FRMD5: variants seen among roughly 807,000 people sequenced by gnomAD.
The protein encoded by FRMD5 is FERM domain-containing protein 5.
A neutral mutation model predicts 69.0 loss-of-function variants in FRMD5; 20 were observed. The observed-to-expected ratio is 0.29, with a 90% confidence interval of 0.20 to 0.42. FRMD5 has a LOEUF of 0.42. FRMD5 is among the 10% of genes least tolerant of loss of function. FRMD5 has a pLI of 1.00. For missense variants in FRMD5, 595 were observed against 708.6 expected (o/e 0.84, Z 1.82); for synonymous variants, 271 against 260.1 (o/e 1.04, Z -0.40).
intron 1 of FRMD5, among the ~76,000 whole-genome samples, chr15:43,970,522 T>C (rs938493952): frequency 2.6e-5 from 4 of 152,146 alleles, no homozygotes; most frequent in Non-Finnish European, 5.9e-5. Context: ...CAGGCTGGAG[T>C]GCAGTGGTAT....
intron 8 of FRMD5, among the ~76,000 whole-genome samples, chr15:43,890,957 G>A (rs1186980410): frequency 1.3e-5 from 2 of 152,132 alleles, no homozygotes; most frequent in Admixed American, 6.5e-5. Context: ...GCAGAACGCT[G>A]ACTAGGAAGC....
intron 1 of FRMD5, among the ~76,000 whole-genome samples, chr15:44,089,354 C>A (rs1237874350): frequency 6.6e-6 from 1 of 152,100 alleles, no homozygotes; most frequent in Admixed American, 6.6e-5. Context: ...ACTGACCACT[C>A]CTTGTCAGTA....
At chr15:43,909,732 G>A (rs991826139) in intron 5 of FRMD5, 150 bp downstream of exon 5, 5 of 470,334 alleles carry the variant, frequency 1.1e-5, no homozygotes, top group South Asian at 3.2e-5. Context: ...TGCCCACCTC[G>A]GCCTCCCAAA....
At chr15:44,038,334 C>A (rs1166751536) in intron 1 of FRMD5, among the ~76,000 whole-genome samples, 1 of 151,852 alleles carries the variant, frequency 6.6e-6, no homozygotes, top group Non-Finnish European at 1.5e-5. Flanking sequence ...GTTGCCATTG[C>A]TTTTGGTGTT....
At chr15:44,182,834 C>T (rs553449304) in intron 1 of FRMD5, among the ~76,000 whole-genome samples, 2 of 152,152 alleles carry the variant, frequency 1.3e-5, no homozygotes, top group East Asian at 3.9e-4. Context: ...CTCGCTCTGT[C>T]GCCCAGGCTA....
At chr15:43,906,400 G>A (rs1391221433) in intron 5 of FRMD5, among the ~76,000 whole-genome samples, 1 of 152,180 alleles carries the variant, frequency 6.6e-6, no homozygotes, top group Non-Finnish European at 1.5e-5. Flanking sequence ...GAGGATGTTA[G>A]CAGGGACACA....
intron 1 of FRMD5, among the ~76,000 whole-genome samples, chr15:44,099,677 C>A (rs1277118580): frequency 1.3e-5 from 2 of 152,078 alleles, no homozygotes; most frequent in Non-Finnish European, 2.9e-5. Context: ...TTGCCAAGGG[C>A]CACCAGTATC....
At chr15:44,150,890 G>A (rs887349234) in intron 1 of FRMD5, among the ~76,000 whole-genome samples, 3 of 152,142 alleles carry the variant, frequency 2.0e-5, no homozygotes, top group African/African-American at 7.2e-5. Context: ...TCAGGAGTTC[G>A]AGACCAGCCT....
At chr15:44,022,469 G>A (rs1485458728) in intron 1 of FRMD5, among the ~76,000 whole-genome samples, 1 of 150,222 alleles carries the variant, frequency 6.7e-6, no homozygotes, top group Non-Finnish European at 1.5e-5. Flanking sequence ...AGCTACTCGG[G>A]AGGCTGAGAC....
intron 1 of FRMD5, among the ~76,000 whole-genome samples, chr15:44,088,887 C>T (rs987242542): frequency 3.3e-5 from 5 of 152,158 alleles, no homozygotes; most frequent in African/African-American, 9.7e-5. Flanking sequence ...ACTACAAAGC[C>T]GTAAGACCCT....
intron 1 of FRMD5, among the ~76,000 whole-genome samples, chr15:44,027,666 T>C (rs1349627080): frequency 3.4e-5 from 5 of 149,118 alleles, no homozygotes; most frequent in Admixed American, 1.3e-4. Flanking sequence ...TTTTTTTTTT[T>C]CCGAGACAGA....
Position 44,026,721 on chromosome 15 carries a change from T to C in FRMD5, c.103-102412A>G, listed in dbSNP as rs2140270293. ...GGCAGTTCTATATACAAACCAGAAA[T>C]ATATCAGCAGGGAAATTCCAACCAC... On this transcript the variant is annotated intron_variant, in intron 1 of 13. Transcript: ENST00000417257. 3.3e-5 allele frequency among the ~76,000 whole-genome samples: 5 copies of C among 152,298 alleles called. 1 individual carries two copies. The Middle Eastern group carries it at 0.01, about 311-fold the overall frequency.
intron 1 of FRMD5, among the ~76,000 whole-genome samples, chr15:43,925,332 T>C (rs1299205499): frequency 6.6e-6 from 1 of 152,200 alleles, no homozygotes; most frequent in Non-Finnish European, 1.5e-5. Context: ...TGTGATGTTT[T>C]ATACACAGGC....
At chr15:43,958,500 G>A (rs1199328280) in intron 1 of FRMD5, among the ~76,000 whole-genome samples, 1 of 152,122 alleles carries the variant, frequency 6.6e-6, no homozygotes, top group Non-Finnish European at 1.5e-5. Context: ...AATCACGATC[G>A]TGGCTCATTG....
At chr15:43,977,218 G>A (rs1595580316) in intron 1 of FRMD5, among the ~76,000 whole-genome samples, 1 of 152,096 alleles carries the variant, frequency 6.6e-6, no homozygotes, top group Non-Finnish European at 1.5e-5. Context: ...TGTGGTAAGG[G>A]CCAGGCTTTG....
At chr15:44,195,636 C>G (rs1412225434), upstream of FRMD5, among the ~76,000 whole-genome samples, 1 of 152,106 alleles carries the variant, frequency 6.6e-6, no homozygotes, top group East Asian at 2.0e-4. Context: ...CGGTTCCCGC[C>G]CTCTTGGGAG....
intron 1 of FRMD5, among the ~76,000 whole-genome samples, chr15:44,184,382 G>A (rs2078064159): frequency 6.6e-6 from 1 of 152,172 alleles, no homozygotes; most frequent in South Asian, 2.1e-4. Context: ...TTAGGTTGGA[G>A]TTTCAAGATG....
intron 1 of FRMD5, among the ~76,000 whole-genome samples, chr15:43,991,716 G>C (rs1484020331): frequency 6.6e-6 from 1 of 152,078 alleles, no homozygotes; most frequent in Non-Finnish European, 1.5e-5. Flanking sequence ...AAATCATCAG[G>C]CCTACCAGGT....
intron 1 of FRMD5, among the ~76,000 whole-genome samples, chr15:43,971,062 TAAAACAAAACAAAAC>T (rs111273331): frequency 6.6e-6 from 1 of 151,030 alleles, no homozygotes; most frequent in South Asian, 2.1e-4. Flanking sequence ...TTGTCTCTAC[TAAAACAAAACAAAAC>T]AAAACAAAAC....
Sources: gnomAD v4.1 joint callset for allele counts (sites outside exome capture counted in the v4.1 genomes callset) on GRCh38, gnomAD v4.1.1 for gene constraint, MANE v1.5 for transcripts, NCBI Gene and HGNC (gene_info 2026-07-23, HGNC 2026-07-21) for gene names.